The following SORBS2 variants were observed in gnomAD, a reference collection of about 807,000 sequenced individuals.
SORBS2 encodes sorbin and SH3 domain-containing protein 2.
Under a neutral mutation model 97.7 loss-of-function variants are expected in SORBS2, and 46 were observed. That is an observed-to-expected ratio of 0.47 (90% CI 0.37 to 0.60). The LOEUF (loss-of-function observed/expected upper bound fraction) is 0.60, where lower values mean the gene tolerates loss of function less well. SORBS2 is among the 20% of genes least tolerant of loss of function. The pLI is 0.00. For synonymous variants in SORBS2, 476 were observed against 473.4 expected (o/e 1.01, Z -0.07); for missense variants, 1,316 against 1,282.3 (o/e 1.03, Z -0.40).
intron 1 of SORBS2, among the ~76,000 whole-genome samples, chr4:185,866,341 C>T (rs963320052): frequency 1.3e-5 from 2 of 152,224 alleles, no homozygotes; most frequent in African/African-American, 2.4e-5. Context: ...TTCACTTACC[C>T]TAATTGTTAG....
At chr4:185,849,603 C>T (rs1362501144) in intron 1 of SORBS2, among the ~76,000 whole-genome samples, 1 of 152,096 alleles carries the variant, frequency 6.6e-6, no homozygotes, top group African/African-American at 2.4e-5. Flanking sequence ...TCTGTGATTA[C>T]TCTTTTAGAC....
chr4:185,693,920 G>A (rs180686918), intron 2 of SORBS2, among the ~76,000 whole-genome samples: 20 of 152,308 alleles, frequency 1.3e-4, no homozygotes, highest in Admixed American at 2.6e-4. Flanking sequence ...TTAAAGTGAT[G>A]TATCCTGTTA....
In SORBS2 at chr4:185,684,813, A is replaced by C. The variant is rs2097923570; in HGVS notation, c.-197-5991T>G. The C allele has an allele frequency of 6.4e-7, 1 of 1,551,924 alleles. No homozygotes were observed. The highest frequency in any genetic ancestry group is 2.0e-5 in the Admixed American group (1 of 50,986). ...CTTCACAGATGTTAGCGTAACAGAC[A>C]TGGCGGCACGTTTGCGAGCACACCC... On this transcript the variant is annotated intron_variant, in intron 2 of 20. Coordinates refer to the SORBS2 transcript ENST00000284776. The surrounding 1 kb of genome is among the most constrained non-coding windows in gnomAD (Gnocchi z 4.2).
intron 2 of SORBS2, 67 bp from the exon 4 acceptor site, chr4:185,690,678 G>C: frequency 1.5e-6 from 1 of 649,164 alleles, no homozygotes; most frequent in Non-Finnish European, 2.6e-6. Flanking sequence ...AAAGTGTGTC[G>C]CATTTTTGTT....
At chr4:185,697,281 A>G (rs980369771) in intron 2 of SORBS2, among the ~76,000 whole-genome samples, 1 of 152,194 alleles carries the variant, frequency 6.6e-6, no homozygotes, top group African/African-American at 2.4e-5. Flanking sequence ...CTGAAAATAC[A>G]TGGGGCATTA....
At chr4:185,682,889 C>A (rs2097892813) in intron 2 of SORBS2, among the ~76,000 whole-genome samples, 1 of 151,804 alleles carries the variant, frequency 6.6e-6, no homozygotes, top group East Asian at 1.9e-4. Flanking sequence ...TGGCAGGCAC[C>A]TGTAATCGCA....
At chr4:185,805,623 C>T (rs189025123) in intron 1 of SORBS2, among the ~76,000 whole-genome samples, 73 of 152,262 alleles carry the variant, frequency 4.8e-4, no homozygotes, top group African/African-American at 1.7e-3. Context: ...AAGCCTGGCG[C>T]TCTAGGTCCA....
chr4:185,588,625 T>TCCTCCTCCTCCTCCTG (rs2095848712), intron 14 of SORBS2, among the ~76,000 whole-genome samples: 1 of 129,134 alleles, frequency 7.7e-6, no homozygotes, highest in Non-Finnish European at 1.7e-5. Flanking sequence ...TCCTCCTCCT[T>TCCTCCTCCTCCTCCTG]GTTTTTGAGA....
chr4:185,598,466 A>G (rs565535439), intron 12 of SORBS2, among the ~76,000 whole-genome samples: 51 of 152,352 alleles, frequency 3.3e-4, no homozygotes, highest in African/African-American at 1.2e-3. Context: ...AACATCAGTA[A>G]AATATATACT....
intron 1 of SORBS2, among the ~76,000 whole-genome samples, chr4:185,952,542 A>G (rs987332627): frequency 2.0e-5 from 3 of 152,174 alleles, no homozygotes; most frequent in Admixed American, 2.0e-4. Context: ...GTGGGAGTAT[A>G]TGGGATTCAT....
chr4:185,829,026 G>A (rs2099203658), intron 1 of SORBS2, among the ~76,000 whole-genome samples: 1 of 152,122 alleles, frequency 6.6e-6, no homozygotes. Flanking sequence ...ACATATTTTG[G>A]AACTGCGCTT....
At position 185,606,308 on chromosome 4, in the gene SORBS2, A is replaced by AGATTACAAAGACTATATC. The variant is rs1321269986; in HGVS notation, c.2796+5454_2796+5471dup. The stretch of plus-strand genomic sequence containing the variant: ...ATTAGCTATCATTGTTAATATTGGA[A>AGATTACAAAGACTATATC]GATTACAAAGACTATATCAATTACA... On this transcript the variant is annotated intron_variant, in intron 12 of 14. Coordinates refer to ENST00000418609, the Ensembl canonical transcript of SORBS2. This position sits in a 1 kb window ranked among gnomAD's most constrained non-coding sequence, Gnocchi z 4.3. The AGATTACAAAGACTATATC allele has an allele frequency of 1.0e-6, 1 of 975,224 alleles. No homozygotes were observed. Among genetic ancestry groups the AGATTACAAAGACTATATC allele is most frequent in the Admixed American group, 6.2e-5 (1 of 16,258 alleles). The allele number at this position is 975,224 out of a possible 1,614,324, so 60.4% of individuals were successfully genotyped here. A position where few individuals can be genotyped will look rare whatever the true frequency, so the allele number is the denominator to read the frequency against.
rs558629225 is a variant in SORBS2 at position 185,600,415 on chromosome 4, T to A, written c.2797-6480A>T. 1.6e-4 allele frequency among the ~76,000 whole-genome samples: 24 copies of A among 152,360 alleles called. No individual in the cohort carries two copies. The East Asian group carries it at 4.2e-3, about 27-fold the overall frequency. Reference sequence around the variant, plus strand: ...GTGCAATGGCACAGTCTCGGCTCACTGCAACCTCCATCTCCCGGGTTCGAG... The same window carrying A: ...GTGCAATGGCACAGTCTCGGCTCACAGCAACCTCCATCTCCCGGGTTCGAG... On this transcript the variant is annotated intron_variant, in intron 12 of 14. Coordinates refer to ENST00000418609, the Ensembl canonical transcript of SORBS2.
chr4:185,587,262 T>G (rs546065733), exon 15 of SORBS2: 1 of 206,020 alleles, frequency 4.9e-6, no homozygotes. Flanking sequence ...TGGGGGGAGA[T>G]GTTGAAATGG....
chr4:185,792,518 A>C (rs183371906), intron 1 of SORBS2, among the ~76,000 whole-genome samples: 45 of 151,658 alleles, frequency 3.0e-4, no homozygotes, highest in African/African-American at 1.1e-3. Flanking sequence ...AAAAGAAAGA[A>C]GAGAGAGAGA....
chr4:185,797,584 T>C (rs959534943), intron 1 of SORBS2, among the ~76,000 whole-genome samples: 1 of 152,168 alleles, frequency 6.6e-6, no homozygotes, highest in Non-Finnish European at 1.5e-5. Flanking sequence ...GCTATGCCGG[T>C]CATTTTGCAG....
chr4:185,749,096 C>T (rs1220883972), intron 2 of SORBS2, among the ~76,000 whole-genome samples: 1 of 152,200 alleles, frequency 6.6e-6, no homozygotes, highest in Non-Finnish European at 1.5e-5. Flanking sequence ...GGGAACTCCA[C>T]AGCCACCAGT....
At chr4:185,648,691 G>A (rs560843191) in intron 3 of SORBS2, among the ~76,000 whole-genome samples, 1 of 152,160 alleles carries the variant, frequency 6.6e-6, no homozygotes, top group South Asian at 2.1e-4. Flanking sequence ...TTTAATCAGA[G>A]CTGAGCTTGG....
intron 2 of SORBS2, among the ~76,000 whole-genome samples, chr4:185,757,551 G>C (rs1386902669): frequency 6.6e-6 from 1 of 152,152 alleles, no homozygotes; most frequent in Non-Finnish European, 1.5e-5. Flanking sequence ...TATTAAAATA[G>C]CATTTATCAT....
Sources: allele counts gnomAD v4.1 joint callset (sites outside exome capture counted in the v4.1 genomes callset), GRCh38; gene constraint gnomAD v4.1.1; non-coding constraint Gnocchi (gnomAD v3.1); transcripts MANE v1.5; gene names NCBI Gene and HGNC (gene_info 2026-07-23, HGNC 2026-07-21).